Variants in ADAMTS20 observed in about 807,000 individuals in gnomAD.
ADAMTS20 encodes the protein ADAM metallopeptidase with thrombospondin type 1 motif 20.
ADAMTS20 carries 225 observed loss-of-function variants against 260.1 expected under a neutral mutation model. That is an observed-to-expected ratio of 0.87 (90% CI 0.78 to 0.97). ADAMTS20 has a LOEUF of 0.97. ADAMTS20 is among the 50% of genes least tolerant of loss of function. ADAMTS20 has a pLI of 0.00. For missense variants in ADAMTS20, 2,400 were observed against 2,337.7 expected, an observed-to-expected ratio of 1.03 and a Z score of -0.55; for synonymous variants, 802 against 769.5, an observed-to-expected ratio of 1.04 and a Z score of -0.70.
chr12:43,537,392 G>T (rs900939746), intron 2 of ADAMTS20, among the ~76,000 whole-genome samples: 1 of 151,872 alleles, frequency 6.6e-6, no homozygotes, highest in African/African-American at 2.4e-5. Context: ...TACATAGTAG[G>T]TGTATATATT....
At chr12:43,477,018 A>T (rs1386192527) in intron 7 of ADAMTS20, among the ~76,000 whole-genome samples, 1 of 150,450 alleles carries the variant, frequency 6.6e-6, no homozygotes, top group African/African-American at 2.4e-5. Flanking sequence ...AGTGTCAGAC[A>T]TGATACAAGA....
intron 28 of ADAMTS20, chr12:43,422,676 A>C (rs1941258203): frequency 6.6e-6 from 1 of 152,070 alleles, no homozygotes; most frequent in Non-Finnish European, 1.5e-5. Context: ...AAAAATAAAA[A>C]TACTACATTT....
chr12:43,458,973 C>A (rs776227007), intron 11 of ADAMTS20, among the ~76,000 whole-genome samples: 1 of 152,132 alleles, frequency 6.6e-6, no homozygotes, highest in Admixed American at 6.6e-5. Context: ...AAAGAAATAG[C>A]CAATCATCTA....
In ADAMTS20 at chr12:43,520,178, T is replaced by C. The variant is rs191749171; in HGVS notation, c.613+11858A>G. On this transcript the variant is annotated intron_variant, in intron 3 of 38. Coordinates refer to ENST00000389420, the MANE Select transcript of ADAMTS20 (RefSeq NM_025003.5). ...AAAAGAGAGAGAATGGCTTCAGGCTTAACTGTACTGAATCTAAGATATCAC... is the reference window on the plus strand; with the variant it reads ...AAAAGAGAGAGAATGGCTTCAGGCTCAACTGTACTGAATCTAAGATATCAC... Among the ~76,000 whole-genome samples, 193 of 152,264 alleles carry C rather than the reference T, an allele frequency of 1.3e-3. 1 individual carries two copies. The highest frequency in any genetic ancestry group is 4.4e-3 in the African/African-American group (182 of 41,558).
intron 28 of ADAMTS20, among the ~76,000 whole-genome samples, chr12:43,413,595 G>A (rs1432884721): frequency 6.6e-6 from 1 of 152,104 alleles, no homozygotes; most frequent in Non-Finnish European, 1.5e-5. Flanking sequence ...TCAAAATAAT[G>A]TGACAATCAT....
chr12:43,458,533 C>A (rs929623468), intron 11 of ADAMTS20, among the ~76,000 whole-genome samples: 1 of 152,222 alleles, frequency 6.6e-6, no homozygotes, highest in Non-Finnish European at 1.5e-5. Flanking sequence ...TTGTTGGAAA[C>A]TCATTTACCC....
chr12:43,529,055 C>T (rs554829839), intron 3 of ADAMTS20, among the ~76,000 whole-genome samples: 109 of 152,186 alleles, frequency 7.2e-4, no homozygotes, highest in African/African-American at 2.5e-3. Context: ...AAAAAGTGCT[C>T]AACATCACTA....
intron 31 of ADAMTS20, among the ~76,000 whole-genome samples, chr12:43,377,929 A>G (rs538717699): frequency 5.9e-4 from 90 of 152,332 alleles, no homozygotes; most frequent in Non-Finnish European, 9.3e-4. Flanking sequence ...GGCATCTATT[A>G]GCCTTAGATC....
rs1330212856 is a variant in ADAMTS20 at position 43,550,966 on chromosome 12, G to A, written c.396C>T (p.Arg132=). Residue 132 remains arginine (R), a synonymous_variant, in exon 2 of 39, where the codon CGC becomes CGT. Transcript: ENST00000389420. ...GPSDLRHCFY[R]GQVNSQEDYK... is the part of the protein sequence containing the mutation. ...AATCCTCCTGTGAGTTGACCTGGCC[G>A]CGGTAGAAGCAGTGGCGCAGGTCCG... 6.2e-7 allele frequency: 1 copy of A among 1,602,522 alleles called. No homozygotes were observed. Among genetic ancestry groups the A allele is most frequent in the Non-Finnish European group, 8.5e-7 (1 of 1,172,092 alleles).
At chr12:43,385,204 C>A in intron 29 of ADAMTS20, among the ~76,000 whole-genome samples, 1 of 152,094 alleles carries the variant, frequency 6.6e-6, no homozygotes, top group Non-Finnish European at 1.5e-5. Context: ...TCTCTAATGA[C>A]CAGTGATGAT....
At chr12:43,366,046 AG>A (rs1939979324) in intron 37 of ADAMTS20, among the ~76,000 whole-genome samples, 1 of 151,908 alleles carries the variant, frequency 6.6e-6, no homozygotes, top group Non-Finnish European at 1.5e-5. Context: ...ACATAGCGAT[AG>A]TGATGTTAAA....
chr12:43,436,724 C>T (rs948911560), intron 18 of ADAMTS20, among the ~76,000 whole-genome samples: 1 of 152,074 alleles, frequency 6.6e-6, no homozygotes, highest in African/African-American at 2.4e-5. Flanking sequence ...AACAAGGTGG[C>T]TAAATAAAAT....
At chr12:43,380,559 T>C (rs1452684394) in intron 31 of ADAMTS20, among the ~76,000 whole-genome samples, 1 of 152,070 alleles carries the variant, frequency 6.6e-6, no homozygotes, top group East Asian at 1.9e-4. Flanking sequence ...CACTAAATAA[T>C]TAAATCCCCC....
Position 43,527,052 on chromosome 12 carries a change from T to C in ADAMTS20, c.613+4984A>G, listed in dbSNP as rs535076824. ...AAATACAAAGATCATTCAATATTAC[T>C]ATGAATACCTGTATGCACACAAACT... On this transcript the variant is annotated intron_variant, in intron 3 of 38. Transcript: ENST00000389420. 3.2e-4 allele frequency among the ~76,000 whole-genome samples: 49 copies of C among 152,314 alleles called. No homozygotes were observed. The South Asian group carries it at 9.7e-3, about 30-fold the overall frequency.
chr12:43,522,882 A>T (rs1802910550), intron 3 of ADAMTS20, among the ~76,000 whole-genome samples: 1 of 152,262 alleles, frequency 6.6e-6, no homozygotes, highest in Admixed American at 6.5e-5. Context: ...TGAGGCACAC[A>T]GTGAACTTTG....
intron 7 of ADAMTS20, among the ~76,000 whole-genome samples, chr12:43,487,733 T>TCCA (rs1472815151): frequency 2.0e-5 from 3 of 152,084 alleles, no homozygotes; most frequent in African/African-American, 7.2e-5. Context: ...TTCTAAAACT[T>TCCA]CCACAGATGA....
At chr12:43,382,921 G>GA (rs1002898311) in intron 31 of ADAMTS20, among the ~76,000 whole-genome samples, 18 of 152,022 alleles carry the variant, frequency 1.2e-4, no homozygotes, top group African/African-American at 4.3e-4. Flanking sequence ...AACAATAAAA[G>GA]AAAAAACTAT....
chr12:43,493,732 TG>T (rs753853464), intron 4 of ADAMTS20, among the ~76,000 whole-genome samples: 2 of 152,238 alleles, frequency 1.3e-5, no homozygotes, highest in Non-Finnish European at 2.9e-5. Context: ...CATAAAAATA[TG>T]TAAGTTTTAC....
At chr12:43,541,875 A>G (rs1043094521) in intron 2 of ADAMTS20, among the ~76,000 whole-genome samples, 1 of 152,226 alleles carries the variant, frequency 6.6e-6, no homozygotes, top group East Asian at 1.9e-4. Context: ...AAAATGAAAC[A>G]ATAAAAGGGA....
Sources: gnomAD v4.1 joint callset for allele counts (sites outside exome capture counted in the v4.1 genomes callset) on GRCh38, gnomAD v4.1.1 for gene constraint, MANE v1.5 for transcripts, NCBI Gene and HGNC (gene_info 2026-07-23, HGNC 2026-07-21) for gene names.